Variants in TRIO observed in about 807,000 individuals in gnomAD.
TRIO encodes trio Rho guanine nucleotide exchange factor, also known as triple functional domain protein.
Under a neutral mutation model 351.9 loss-of-function variants are expected in TRIO, and 58 were observed. That is an observed-to-expected ratio of 0.16 (90% CI 0.13 to 0.21). The LOEUF is 0.21. TRIO is among the 10% of genes least tolerant of loss of function. The probability of loss-of-function intolerance (pLI) is 1.00; values close to 1 mark genes in which losing one functional copy is unlikely to be tolerated. For synonymous variants in TRIO, 1,758 were observed against 1,595.7 expected, an observed-to-expected ratio of 1.10 and a Z score of -2.42; for missense variants, 3,201 against 4,027.8, an observed-to-expected ratio of 0.79 and a Z score of 5.56.
intron 41 of TRIO, among the ~76,000 whole-genome samples, chr5:14,478,376 A>C (rs1211041207): frequency 2.0e-5 from 3 of 152,238 alleles, no homozygotes; most frequent in Non-Finnish European, 4.4e-5. Context: ...TTTGCACATC[A>C]GCACAGATGT....
intron 37 of TRIO, among the ~76,000 whole-genome samples, chr5:14,466,751 A>C (rs867806520): frequency 9.2e-5 from 14 of 152,316 alleles, no homozygotes; most frequent in Non-Finnish European, 1.9e-4. Flanking sequence ...GCTGGTGCAA[A>C]CATATATATG....
At chr5:14,159,787 C>T (rs550971727) in intron 1 of TRIO, among the ~76,000 whole-genome samples, 1 of 152,174 alleles carries the variant, frequency 6.6e-6, no homozygotes, top group South Asian at 2.1e-4. Flanking sequence ...GGATGGTCTC[C>T]ATCTCTTGAC....
intron 11 of TRIO, among the ~76,000 whole-genome samples, chr5:14,341,226 T>C (rs1741916003): frequency 6.6e-6 from 1 of 152,232 alleles, no homozygotes; most frequent in Admixed American, 6.5e-5. Flanking sequence ...TTGTCCTTTT[T>C]TGTTTGTCCT....
At chr5:14,200,355 C>A (rs1791033322) in intron 1 of TRIO, among the ~76,000 whole-genome samples, 1 of 152,184 alleles carries the variant, frequency 6.6e-6, no homozygotes, top group Non-Finnish European at 1.5e-5. Flanking sequence ...CAGATGCTTT[C>A]CACCATCCTG....
intron 13 of TRIO, among the ~76,000 whole-genome samples, chr5:14,359,805 T>A (rs956841905): frequency 6.6e-6 from 1 of 152,220 alleles, no homozygotes; most frequent in Non-Finnish European, 1.5e-5. Context: ...CAGCAAGCGC[T>A]GAGCGGAACA....
chr5:14,254,726 C>T (rs1333317468), intron 1 of TRIO, among the ~76,000 whole-genome samples: 1 of 152,214 alleles, frequency 6.6e-6, no homozygotes, highest in Non-Finnish European at 1.5e-5. Flanking sequence ...GTGGGCTCCT[C>T]TCGGACCCTC....
In TRIO at chr5:14,204,536, C is replaced by T. The variant is rs76278701; in HGVS notation, c.157+60654C>T. 8.7e-3 allele frequency among the ~76,000 whole-genome samples: 1,318 copies of T among 152,090 alleles called. 18 individuals are homozygous for T. Among genetic ancestry groups the T allele is most frequent in the African/African-American group, 0.03 (1,230 of 41,456 alleles). On this transcript the variant is annotated intron_variant, in intron 1 of 56. Transcript: ENST00000344204. ...GGTCAGTGTTGGTCTCTAGGTCTTACGGGAATGTGTACTTAAGTATGGTGG... is the reference window on the plus strand; with the variant it reads ...GGTCAGTGTTGGTCTCTAGGTCTTATGGGAATGTGTACTTAAGTATGGTGG...
intron 3 of TRIO, among the ~76,000 whole-genome samples, chr5:14,284,314 G>T (rs994237339): frequency 4.6e-5 from 7 of 152,128 alleles, no homozygotes; most frequent in African/African-American, 1.7e-4. Flanking sequence ...AAGGGCTTGG[G>T]GGCCCTTCTC....
At chr5:14,466,922 C>T (rs572024929) in intron 37 of TRIO, among the ~76,000 whole-genome samples, 2 of 152,274 alleles carry the variant, frequency 1.3e-5, no homozygotes, top group South Asian at 4.1e-4. Context: ...AATAATACCA[C>T]TGAGCACTTA....
intron 34 of TRIO, among the ~76,000 whole-genome samples, chr5:14,453,100 A>G (rs1293597605): frequency 6.6e-6 from 1 of 151,912 alleles, no homozygotes; most frequent in Non-Finnish European, 1.5e-5. Context: ...AAAGAAATCT[A>G]GCATGGACTT....
intron 1 of TRIO, among the ~76,000 whole-genome samples, chr5:14,189,728 CTT>C (rs199627264): frequency 6.9e-6 from 1 of 144,154 alleles, no homozygotes; most frequent in African/African-American, 2.5e-5. Context: ...TTCGTTTTAA[CTT>C]TTTTTTTTTT....
intron 11 of TRIO, among the ~76,000 whole-genome samples, chr5:14,341,781 T>A (rs1035119084): frequency 2.0e-5 from 3 of 152,206 alleles, no homozygotes; most frequent in African/African-American, 7.2e-5. Context: ...TTCAGTTCCA[T>A]TGCATTGATT....
intron 1 of TRIO, among the ~76,000 whole-genome samples, chr5:14,238,798 A>T (rs1793945212): frequency 6.6e-6 from 1 of 152,232 alleles, no homozygotes; most frequent in Non-Finnish European, 1.5e-5. Context: ...ACTTGGTCTT[A>T]AAGAGTGTTG....
At chr5:14,482,495 A>T in intron 45 of TRIO, 87 bp from the exon 46 acceptor site, 1 of 1,059,828 alleles carries the variant, frequency 9.4e-7, no homozygotes, top group Non-Finnish European at 1.3e-6. Context: ...ATTCCATAGG[A>T]GGAAATCTAA....
intron 37 of TRIO, among the ~76,000 whole-genome samples, chr5:14,467,049 A>G (rs562849075): frequency 6.6e-6 from 1 of 152,346 alleles, no homozygotes; most frequent in African/African-American, 2.4e-5. Context: ...AAGGAAATTG[A>G]GGCACACAGA....
chr5:14,177,308 T>A (rs1789466272), intron 1 of TRIO, among the ~76,000 whole-genome samples: 1 of 152,216 alleles, frequency 6.6e-6, no homozygotes, highest in African/African-American at 2.4e-5. Context: ...TTTTTTTTGG[T>A]AATCACCGGG....
chr5:14,372,665 A>G (rs1745222073), intron 18 of TRIO, among the ~76,000 whole-genome samples: 1 of 152,202 alleles, frequency 6.6e-6, no homozygotes, highest in African/African-American at 2.4e-5. Context: ...TTGTTGCTAT[A>G]GCAACTTCTA....
In TRIO at chr5:14,449,723, A is replaced by G. The variant is rs186735408; in HGVS notation, c.5204-11296A>G. 6.6e-4 allele frequency among the ~76,000 whole-genome samples: 100 copies of G among 152,194 alleles called. 1 individual carries two copies. In the Middle Eastern group the frequency reaches 0.017, roughly 26 times the overall value. ...TCCTTACGTTGATCCACACTAGCCCATTTTTACTGTTATCCACGATCAGTA... is the reference window on the plus strand; with the variant it reads ...TCCTTACGTTGATCCACACTAGCCCGTTTTTACTGTTATCCACGATCAGTA... On this transcript the variant is annotated intron_variant, in intron 34 of 56. Transcript: ENST00000344204.
chr5:14,157,130 G>A (rs1274636888), intron 1 of TRIO, among the ~76,000 whole-genome samples: 1 of 152,168 alleles, frequency 6.6e-6, no homozygotes, highest in Non-Finnish European at 1.5e-5. Flanking sequence ...CTACAAGGAG[G>A]AGAAGAAGCT....
Sources: gnomAD v4.1 joint callset for allele counts (sites outside exome capture counted in the v4.1 genomes callset) on GRCh38, gnomAD v4.1.1 for gene constraint, MANE v1.5 for transcripts, NCBI Gene and HGNC (gene_info 2026-07-23, HGNC 2026-07-21) for gene names.